Variants in KHDRBS2 observed in about 807,000 individuals in gnomAD.
The protein encoded by KHDRBS2 is KH domain-containing, RNA-binding, signal transduction-associated protein 2.
Under a neutral mutation model 44.3 loss-of-function variants are expected in KHDRBS2, and 26 were observed. That is an observed-to-expected ratio of 0.59 (90% CI 0.43 to 0.81). The LOEUF is 0.81. KHDRBS2 is among the 40% of genes least tolerant of loss of function. The pLI is 0.00. For missense variants in KHDRBS2, 476 were observed against 433.1 expected (o/e 1.10, Z -0.88); for synonymous variants, 194 against 151.1 (o/e 1.28, Z -2.08).
chr6:62,263,484 C>A (rs1241901603), intron 1 of KHDRBS2, among the ~76,000 whole-genome samples: 1 of 151,594 alleles, frequency 6.6e-6, no homozygotes, highest in Non-Finnish European at 1.5e-5. Context: ...GTAATGGAAA[C>A]AACAAACTAT....
At chr6:62,189,361 A>G (rs1414577335) in intron 1 of KHDRBS2, among the ~76,000 whole-genome samples, 1 of 151,666 alleles carries the variant, frequency 6.6e-6, no homozygotes, top group Non-Finnish European at 1.5e-5. Context: ...TTTTATTATT[A>G]TTATACTTTC....
chr6:61,785,092 A>G (rs1317652649), intron 6 of KHDRBS2, among the ~76,000 whole-genome samples: 1 of 151,956 alleles, frequency 6.6e-6, no homozygotes, highest in African/African-American at 2.4e-5. Context: ...GGAGGCTGCA[A>G]TGAGTCATAA....
At chr6:62,091,421 T>A (rs1264271561) in intron 2 of KHDRBS2, among the ~76,000 whole-genome samples, 1 of 152,202 alleles carries the variant, frequency 6.6e-6, no homozygotes, top group Non-Finnish European at 1.5e-5. Context: ...TGTTTGAAGC[T>A]ACAAATCCCT....
chr6:62,169,210 T>TATATACGTCTACATATATGTATATATAC (rs1454018151), intron 2 of KHDRBS2, among the ~76,000 whole-genome samples: 1 of 145,666 alleles, frequency 6.9e-6, no homozygotes, highest in African/African-American at 2.5e-5. Context: ...TGTATATATA[T>TATATACGTCTACATATATGTATATATAC]GTATATATAC....
intron 2 of KHDRBS2, among the ~76,000 whole-genome samples, chr6:62,138,155 A>T (rs1811977541): frequency 1.3e-5 from 2 of 152,190 alleles, no homozygotes; most frequent in Admixed American, 1.3e-4. Context: ...ATGAAAAGGC[A>T]CTCAATAACC....
At chr6:62,082,373 T>C (rs1359859456) in intron 2 of KHDRBS2, among the ~76,000 whole-genome samples, 3 of 151,204 alleles carry the variant, frequency 2.0e-5, no homozygotes, top group African/African-American at 7.3e-5. Flanking sequence ...CACAGAAGAA[T>C]TCCTAGGAAT....
At chr6:61,999,705 T>C (rs1157061820) in intron 3 of KHDRBS2, among the ~76,000 whole-genome samples, 1 of 152,120 alleles carries the variant, frequency 6.6e-6, no homozygotes, top group Non-Finnish European at 1.5e-5. Flanking sequence ...TTGGTAATAA[T>C]AGCACAAAAT....
At chr6:61,899,403 G>A (rs1562398261) in intron 5 of KHDRBS2, among the ~76,000 whole-genome samples, 1 of 151,880 alleles carries the variant, frequency 6.6e-6, no homozygotes, top group African/African-American at 2.4e-5. Flanking sequence ...AGCATTGGAA[G>A]TGAAATTTAA....
intron 6 of KHDRBS2, among the ~76,000 whole-genome samples, chr6:61,852,422 G>T (rs1330873094): frequency 6.6e-6 from 1 of 150,512 alleles, no homozygotes; most frequent in East Asian, 2.0e-4. Flanking sequence ...AAATTAGCTG[G>T]GTGTGGTGGC....
intron 1 of KHDRBS2, among the ~76,000 whole-genome samples, chr6:62,249,607 C>CA (rs1051320609): frequency 1.3e-5 from 2 of 151,772 alleles, no homozygotes; most frequent in Admixed American, 6.6e-5. Context: ...TAAAATACAA[C>CA]AAAAAAACTA....
At chr6:62,284,730 T>C (rs1842242122) in intron 1 of KHDRBS2, among the ~76,000 whole-genome samples, 1 of 152,138 alleles carries the variant, frequency 6.6e-6, no homozygotes, top group Non-Finnish European at 1.5e-5. Flanking sequence ...ACCTTACACT[T>C]CATTGTTAAT....
At chr6:62,108,692 C>A (rs1804179310) in intron 2 of KHDRBS2, among the ~76,000 whole-genome samples, 1 of 152,150 alleles carries the variant, frequency 6.6e-6, no homozygotes, top group Non-Finnish European at 1.5e-5. Flanking sequence ...GACTTGGAAC[C>A]AACCCAAATG....
chr6:61,865,774 C>T (rs1169768526), intron 6 of KHDRBS2, among the ~76,000 whole-genome samples: 1 of 152,142 alleles, frequency 6.6e-6, no homozygotes, highest in Non-Finnish European at 1.5e-5. Context: ...CATCTATGAG[C>T]CTGGGATAAA....
intron 2 of KHDRBS2, among the ~76,000 whole-genome samples, chr6:62,154,617 T>C (rs1815963625): frequency 6.6e-6 from 1 of 151,538 alleles, no homozygotes; most frequent in Non-Finnish European, 1.5e-5. Context: ...AGTTGAGACA[T>C]AAAGGAAAAA....
intron 6 of KHDRBS2, among the ~76,000 whole-genome samples, chr6:61,767,213 C>T (rs180986740): frequency 3.5e-4 from 53 of 152,002 alleles, no homozygotes; most frequent in African/African-American, 1.2e-3. Context: ...TAATGATCTC[C>T]TTTGTCTTTT....
chr6:62,237,788 C>T (rs1833935175), intron 1 of KHDRBS2, among the ~76,000 whole-genome samples: 1 of 152,108 alleles, frequency 6.6e-6, no homozygotes, highest in Non-Finnish European at 1.5e-5. Context: ...CGCCTCTAAT[C>T]CCAGCACTTT....
In KHDRBS2 at chr6:61,716,000, C is replaced by T. The variant is rs375413390; in HGVS notation, c.893+16682G>A. ...ATGGCTACATTTTTTTTTCCATTCT[C>T]GAACCATGCTGTCACCCACTGACAG... On this transcript the variant is annotated intron_variant, in intron 7 of 8. Transcript: ENST00000281156. 2.3e-3 allele frequency among the ~76,000 whole-genome samples: 352 copies of T among 151,088 alleles called. 2 individuals are homozygous for T. The highest frequency in any genetic ancestry group is 8.2e-3 in the African/African-American group (337 of 41,140).
chr6:61,573,939 A>G, the KHDRBS2 span, among the ~76,000 whole-genome samples: 7 of 152,218 alleles, frequency 4.6e-5, no homozygotes, highest in Non-Finnish European at 8.8e-5. Flanking sequence ...TAAAAAAGAC[A>G]CATAGACCAA....
the KHDRBS2 span, among the ~76,000 whole-genome samples, chr6:61,631,305 C>CAAAAAAAAAA: frequency 1.0e-3 from 70 of 66,994 alleles, no homozygotes; most frequent in Non-Finnish European, 1.3e-3. Flanking sequence ...ACGAATAAGC[C>CAAAAAAAAAA]AAAAAAAAAA....
Sources: allele counts gnomAD v4.1 joint callset (sites outside exome capture counted in the v4.1 genomes callset), GRCh38; gene constraint gnomAD v4.1.1; transcripts MANE v1.5; gene names NCBI Gene and HGNC (gene_info 2026-07-23, HGNC 2026-07-21).